PCBP3: variants seen among roughly 807,000 people sequenced by gnomAD.
The protein encoded by PCBP3 is poly(rC)-binding protein 3.
A neutral mutation model predicts 52.7 loss-of-function variants in PCBP3; 25 were observed. The ratio of observed to expected loss-of-function variants is 0.47; its 90% confidence interval spans 0.35 to 0.66. The LOEUF (loss-of-function observed/expected upper bound fraction) is 0.66. Among genes scored for constraint, PCBP3 ranks in the 30% least tolerant of loss-of-function variants. PCBP3 has a pLI of 0.01. For missense variants in PCBP3, 391 were observed against 490.3 expected (o/e 0.80, Z 1.91); for synonymous variants, 162 against 183.0 (o/e 0.89, Z 0.93).
Position 45,764,404 on chromosome 21 carries a change from G to C in PCBP3, c.-126+8952G>C, listed in dbSNP as rs188229940. Among the ~76,000 whole-genome samples the C allele has an allele frequency of 1.3e-3, 197 of 152,362 alleles. 2 individuals are homozygous for C. Among genetic ancestry groups the C allele is most frequent in the African/African-American group, 4.4e-3 (183 of 41,588 alleles). On this transcript the variant is annotated intron_variant, in intron 4 of 17. Coordinates refer to ENST00000681687, the MANE Select transcript of PCBP3 (RefSeq NM_001384156.1). ...CCCAAAGTGCTGGGATTACAGGCGT[G>C]AGCCACCGTGGTCGGCCAGTAATAC... is the stretch of plus-strand genomic sequence containing the variant.
rs368738441 is a variant in PCBP3 at position 45,901,129 on chromosome 21, G to A, written c.339+16G>A. 1.3e-6 allele frequency: 2 copies of A among 1,560,014 alleles called. No individual in the cohort carries two copies. Among genetic ancestry groups the A allele is most frequent in the African/African-American group, 2.7e-5 (2 of 73,814 alleles). On this transcript the variant is annotated intron_variant, in intron 9 of 17. Coordinates refer to ENST00000681687, the MANE Select transcript of PCBP3 (RefSeq NM_001384156.1). ...GTTTGAGGAGGTAACCTGCACCCCA[G>A]GCACCTCTGCCAGCCTGGCGGGGGC...
chr21:45,762,923 T>C (rs1277309048), intron 4 of PCBP3: 1 of 152,284 alleles, frequency 6.6e-6, no homozygotes, highest in Non-Finnish European at 1.5e-5. Flanking sequence ...CAGGGGGTCA[T>C]GTGAGCCATG....
chr21:45,654,644 T>G (rs577784941), intron 1 of PCBP3, among the ~76,000 whole-genome samples: 15 of 152,284 alleles, frequency 9.9e-5, no homozygotes, highest in African/African-American at 3.1e-4. Context: ...TGGCCAACAT[T>G]ACATATTTTT....
At chr21:45,699,316 C>T (rs540617850) in intron 2 of PCBP3, among the ~76,000 whole-genome samples, 1 of 152,312 alleles carries the variant, frequency 6.6e-6, no homozygotes, top group African/African-American at 2.4e-5. Flanking sequence ...GTGGAGGGCA[C>T]TGACTCCTGC....
intron 2 of PCBP3, among the ~76,000 whole-genome samples, chr21:45,719,234 G>C (rs1385346033): frequency 1.3e-5 from 2 of 152,126 alleles, no homozygotes; most frequent in East Asian, 3.9e-4. Context: ...GTTTGGGAAG[G>C]GGCTTCTCAG....
intron 4 of PCBP3, chr21:45,760,167 G>A (rs1002521759): frequency 6.6e-6 from 1 of 152,230 alleles, no homozygotes; most frequent in Admixed American, 6.5e-5. Context: ...TTTATTAAAA[G>A]TATTTCTGTT....
intron 2 of PCBP3, among the ~76,000 whole-genome samples, chr21:45,712,650 A>G (rs1228179890): frequency 6.6e-6 from 1 of 151,882 alleles, no homozygotes; most frequent in Non-Finnish European, 1.5e-5. Context: ...ATTATATACT[A>G]ATTATGATGA....
intron 4 of PCBP3, among the ~76,000 whole-genome samples, chr21:45,809,513 G>A (rs1471081626): frequency 1.3e-5 from 2 of 152,198 alleles, no homozygotes; most frequent in African/African-American, 4.8e-5. Context: ...CTGGGCTGGG[G>A]CCTGTCAGCC....
intron 2 of PCBP3, among the ~76,000 whole-genome samples, chr21:45,726,081 G>C (rs1468988886): frequency 6.6e-6 from 1 of 152,076 alleles, no homozygotes; most frequent in African/African-American, 2.4e-5. Flanking sequence ...TAGGCCTGCT[G>C]AGATGTGGTG....
chr21:45,907,082 G>A (rs2096230013), intron 9 of PCBP3, among the ~76,000 whole-genome samples: 1 of 152,216 alleles, frequency 6.6e-6, no homozygotes, highest in African/African-American at 2.4e-5. Context: ...TCCTTCCTCG[G>A]GCTCCCTCAC....
intron 1 of PCBP3, among the ~76,000 whole-genome samples, chr21:45,658,028 T>C (rs1603147615): frequency 6.6e-6 from 1 of 152,226 alleles, no homozygotes; most frequent in African/African-American, 2.4e-5. Context: ...CCAGTAAGTA[T>C]AGGTAGCTGT....
At chr21:45,770,568 A>G (rs577770062) in intron 4 of PCBP3, among the ~76,000 whole-genome samples, 3 of 152,272 alleles carry the variant, frequency 2.0e-5, no homozygotes, top group African/African-American at 4.8e-5. Context: ...AGGAGAAGTC[A>G]GTGCTGGTCT....
intron 15 of PCBP3, among the ~76,000 whole-genome samples, chr21:45,931,337 C>T (rs2149503560): frequency 6.6e-6 from 1 of 152,360 alleles, no homozygotes; most frequent in Admixed American, 6.5e-5. Flanking sequence ...GCCACACACG[C>T]ACCACACCTT....
In PCBP3 at chr21:45,774,615, C is replaced by T. The variant is rs1157479082; in HGVS notation, c.-126+19163C>T. 3.3e-5 allele frequency among the ~76,000 whole-genome samples: 5 copies of T among 152,206 alleles called. No individual in the cohort carries two copies. In the South Asian group the frequency reaches 1.0e-3, roughly 32 times the overall value. ...CTTCTTCTAATTCTTAGAGAGAACA[C>T]TCTTAGCTTTTCTCTAGTATTATGT... On this transcript the variant is annotated intron_variant, in intron 4 of 17. Coordinates refer to ENST00000681687, the MANE Select transcript of PCBP3 (RefSeq NM_001384156.1).
At chr21:45,866,712 G>C (rs572363512) in intron 5 of PCBP3, among the ~76,000 whole-genome samples, 1 of 152,250 alleles carries the variant, frequency 6.6e-6, no homozygotes, top group South Asian at 2.1e-4. Flanking sequence ...ATGCACACGA[G>C]CGTGAAGCCT....
chr21:45,784,629 T>G (rs2090958795), intron 4 of PCBP3, among the ~76,000 whole-genome samples: 1 of 152,130 alleles, frequency 6.6e-6, no homozygotes, highest in Non-Finnish European at 1.5e-5. Context: ...CCTGACTGGT[T>G]TTCGTATTTT....
At chr21:45,941,624 C>T (rs377608517) in intron 17 of PCBP3, 46 bp from the exon 18 acceptor site, 78 of 1,571,914 alleles carry the variant, frequency 5.0e-5, no homozygotes, top group East Asian at 1.1e-4. Flanking sequence ...CTGATGAGGG[C>T]GTTGGTTGTG....
At chr21:45,843,116 A>G (rs971451325) in intron 4 of PCBP3, among the ~76,000 whole-genome samples, 2 of 148,984 alleles carry the variant, frequency 1.3e-5, no homozygotes, top group African/African-American at 4.9e-5. Flanking sequence ...TCCAAATCCC[A>G]AGGGCCCAGC....
intron 17 of PCBP3, among the ~76,000 whole-genome samples, chr21:45,941,232 A>C (rs577443753): frequency 6.9e-4 from 105 of 152,300 alleles, no homozygotes; most frequent in Non-Finnish European, 1.1e-3. Context: ...GGGGCTTGTC[A>C]GGGAGGTTCC....
Sources: allele counts gnomAD v4.1 joint callset (sites outside exome capture counted in the v4.1 genomes callset), GRCh38; gene constraint gnomAD v4.1.1; transcripts MANE v1.5; gene names NCBI Gene and HGNC (gene_info 2026-07-23, HGNC 2026-07-21).